RANBP3: variants seen among roughly 807,000 people sequenced by gnomAD.
RANBP3 encodes the protein RAN binding protein 3.
In RANBP3, 14 loss-of-function variants were observed where a neutral mutation model predicts 77.3. The ratio of observed to expected loss-of-function variants is 0.18; its 90% CI spans 0.12 to 0.28. The LOEUF (loss-of-function observed/expected upper bound fraction) is 0.28, where lower values mean the gene tolerates loss of function less well. Ranked by LOEUF, RANBP3 falls within the 10% of genes least tolerant of loss-of-function variation. The probability of loss-of-function intolerance (pLI) is 1.00; values close to 1 mark genes in which losing one functional copy is unlikely to be tolerated. For missense variants in RANBP3, 586 were observed against 752.3 expected, an observed-to-expected ratio of 0.78 and a Z score of 2.59; for synonymous variants, 315 against 312.4, an observed-to-expected ratio of 1.01 and a Z score of -0.09.
chr19:5,939,519 G>T (rs971001032), intron 5 of RANBP3, among the ~76,000 whole-genome samples: 7 of 152,240 alleles, frequency 4.6e-5, no homozygotes, highest in African/African-American at 1.7e-4. Context: ...ACTTGGCTCT[G>T]AGTCGGAATT....
chr19:5,935,622 G>T, intron 5 of RANBP3: 1 of 443,338 alleles, frequency 2.3e-6, no homozygotes, highest in South Asian at 1.6e-5. Context: ...GCTGAGGGGA[G>T]CCTGGGGGCT....
chr19:5,941,264 C>T (rs2058132711), intron 5 of RANBP3, among the ~76,000 whole-genome samples: 2 of 152,208 alleles, frequency 1.3e-5, no homozygotes, highest in Non-Finnish European at 1.5e-5. Flanking sequence ...CACCCCACCC[C>T]TAAACCCCCA....
At chr19:5,955,007 C>G (rs893707642) in intron 2 of RANBP3, among the ~76,000 whole-genome samples, 1 of 152,204 alleles carries the variant, frequency 6.6e-6, no homozygotes, top group Non-Finnish European at 1.5e-5. Flanking sequence ...CACAGAAGTG[C>G]GAGTGACAGA....
intron 5 of RANBP3, among the ~76,000 whole-genome samples, chr19:5,937,002 G>A (rs2058072768): frequency 1.6e-5 from 2 of 127,956 alleles, no homozygotes; most frequent in Admixed American, 2.1e-4. Flanking sequence ...GGTGCAGTGA[G>A]CCAAGATTGT....
rs1050715356 is a variant in RANBP3, at chr19:5,933,469, G to A, written c.417C>T (p.Ser139=). The stretch of plus-strand genomic sequence containing the variant: ...TTGGTGGCTTCAACCGGAAGCCACT[G>A]CTCCTTTCCTCTAAAAGCACAAGAC... ...QFPPSQSEER[S]SGFRLKPPTL... Residue 139 remains serine, a synonymous_variant, in exon 6 of 17, where the codon AGC becomes AGT. Transcript: ENST00000340578. 1.9e-6 allele frequency: 3 copies of A among 1,613,142 alleles called. No individual in the cohort carries two copies. The African/African-American group carries it at 4.0e-5, about 22-fold the overall frequency.
rs147611655 is a variant in RANBP3, at chr19:5,925,773, G to C, written c.814-36C>G. 32 of 1,554,518 alleles carry C rather than the reference G, an allele frequency of 2.1e-5. No individual in the cohort carries two copies. In the Middle Eastern group the frequency reaches 5.0e-4, roughly 24 times the overall value. ...GACGGAGCGCTCAGTAATCGGGGGT[G>C]GGGGGGTGCCTGGAGTTCCACAGCT... On this transcript the variant is annotated intron_variant, in intron 9 of 16. Transcript: ENST00000340578.
At chr19:5,962,764 T>C (rs192821414) in intron 1 of RANBP3, 2 of 455,740 alleles carry the variant, frequency 4.4e-6, no homozygotes, top group East Asian at 7.0e-5. Context: ...AGGCCAAAGG[T>C]TGATCAACTG....
At chr19:5,941,560 G>C in intron 5 of RANBP3, 61 bp downstream of exon 5, 1 of 1,411,762 alleles carries the variant, frequency 7.1e-7, no homozygotes, top group Non-Finnish European at 9.9e-7. Flanking sequence ...GCGGCACTGA[G>C]GGGAATGGCG....
intron 1 of RANBP3, among the ~76,000 whole-genome samples, chr19:5,961,488 T>C (rs943547483): frequency 2.6e-5 from 4 of 151,180 alleles, no homozygotes; most frequent in Admixed American, 2.6e-4. Context: ...ATCCCAGCAT[T>C]TTGGGAGGCC....
At chr19:5,928,479 T>TAGGC (rs985481075) in intron 8 of RANBP3, 3 of 156,902 alleles carry the variant, frequency 1.9e-5, no homozygotes, top group African/African-American at 7.6e-5. Flanking sequence ...GAGAGGGAGG[T>TAGGC]AGGCCTCTGA....
rs762262340 is a variant in RANBP3, at chr19:5,923,186, C to T, written c.1209+8G>A. On this transcript the variant is annotated splice_region_variant and intron_variant, in intron 13 of 16. Transcript: ENST00000340578. ...CCCAGGGCCACCGAGGAGGGGCCGG[C>T]CCCTCACCTGTAACACATTGCTCTC... 1.2e-6 allele frequency: 2 copies of T among 1,612,980 alleles called. No individual in the cohort carries two copies. The highest frequency in any genetic ancestry group is 1.7e-6 in the Non-Finnish European group (2 of 1,179,004).
At chr19:5,920,710 G>A (rs1318895422) in intron 14 of RANBP3, among the ~76,000 whole-genome samples, 2 of 152,084 alleles carry the variant, frequency 1.3e-5, no homozygotes, top group Admixed American at 1.3e-4. Flanking sequence ...ACCATGCCCG[G>A]CTAATTTTTG....
At chr19:5,941,943 T>G (rs1181685946) in intron 3 of RANBP3, 108 bp from the exon 4 acceptor site, 20 of 1,290,282 alleles carry the variant, frequency 1.6e-5, no homozygotes, top group Non-Finnish European at 2.1e-5. Context: ...GGCAGCTAGT[T>G]CCCAGAGCCC....
intron 6 of RANBP3, chr19:5,932,807 G>C: frequency 2.1e-6 from 1 of 482,896 alleles, no homozygotes; most frequent in South Asian, 2.4e-5. Flanking sequence ...GCGGGGCGCC[G>C]GCAGACTCAA....
At chr19:5,941,122 G>A (rs377536887) in intron 5 of RANBP3, among the ~76,000 whole-genome samples, 3 of 152,186 alleles carry the variant, frequency 2.0e-5, no homozygotes, top group African/African-American at 4.8e-5. Context: ...CATCACACAC[G>A]GGCCTCTGCT....
intron 1 of RANBP3, among the ~76,000 whole-genome samples, chr19:5,971,357 A>G (rs983354358): frequency 1.3e-5 from 2 of 151,776 alleles, no homozygotes; most frequent in Non-Finnish European, 2.9e-5. Flanking sequence ...TATTAAAGAG[A>G]GGGGCTTTGT....
At position 5,962,202 on chromosome 19, in the gene RANBP3, G is replaced by A. The variant is rs144518909; in HGVS notation, c.23-4229C>T. 7.1e-3 allele frequency among the ~76,000 whole-genome samples: 1,074 copies of A among 152,194 alleles called. 14 individuals are homozygous for A. Among genetic ancestry groups the A allele is most frequent in the African/African-American group, 0.024 (992 of 41,504 alleles). On this transcript the variant is annotated intron_variant, in intron 1 of 16. Transcript: ENST00000340578. ...TCATCTACACAACACCAGCTGCTAC[G>A]TACTCACAAATATTTACTAAGCCCT... is the stretch of plus-strand genomic sequence containing the variant.
chr19:5,935,985 G>A lies in RANBP3; in HGVS notation c.407-2506C>T, dbSNP rs149321604. ...TCCAGAGAGGAAGAGGACCCCTCCCGCCGGCAGCCTTTGCCCTCCTGGGAA... is the reference window on the plus strand; with the variant it reads ...TCCAGAGAGGAAGAGGACCCCTCCCACCGGCAGCCTTTGCCCTCCTGGGAA... On this transcript the variant is annotated intron_variant, in intron 5 of 16. Coordinates refer to ENST00000340578, the MANE Select transcript of RANBP3 (RefSeq NM_007322.3). 7.9e-5 allele frequency: 26 copies of A among 327,574 alleles called. No homozygotes were observed. In the East Asian group the frequency reaches 9.3e-4, roughly 12 times the overall value. The allele number at this position is 327,574 out of a possible 1,614,324, so 20.3% of individuals were successfully genotyped here.
chr19:5,933,228 A>G (rs1264565177), intron 6 of RANBP3, 186 bp downstream of exon 6: 5 of 532,470 alleles, frequency 9.4e-6, no homozygotes, highest in Non-Finnish European at 1.7e-5. Flanking sequence ...CGACGCTCAC[A>G]GTCAGGGGTC....
Sources: allele counts gnomAD v4.1 joint callset (sites outside exome capture counted in the v4.1 genomes callset), GRCh38; gene constraint gnomAD v4.1.1; transcripts MANE v1.5; gene names NCBI Gene and HGNC (gene_info 2026-07-23, HGNC 2026-07-21).